Variants in NTRK2 observed in about 807,000 individuals in gnomAD.
NTRK2 encodes the protein BDNF/NT-3 growth factors receptor.
Under a neutral mutation model 94.5 loss-of-function variants are expected in NTRK2, and 13 were observed. The observed-to-expected ratio is 0.14, with a 90% CI of 0.09 to 0.22. The LOEUF (loss-of-function observed/expected upper bound fraction) is 0.22. Among genes scored for constraint, NTRK2 ranks in the 10% least tolerant of loss-of-function variants. The pLI, the probability that NTRK2 is intolerant of heterozygous loss-of-function variation, is 1.00. For missense variants in NTRK2, 639 were observed against 1,071.2 expected, an observed-to-expected ratio of 0.60 and a Z score of 5.63; for synonymous variants, 372 against 407.4, an observed-to-expected ratio of 0.91 and a Z score of 1.05.
chr9:84,923,122 T>G (rs778967768), intron 14 of NTRK2, among the ~76,000 whole-genome samples: 5 of 152,120 alleles, frequency 3.3e-5, no homozygotes, highest in Non-Finnish European at 7.4e-5. Context: ...GGAATTGGGG[T>G]AGAGTCTACA....
In NTRK2 at chr9:84,955,325, G is replaced by A. The variant is rs1823985116; in HGVS notation, c.1980G>A (p.Pro660=). ...CCGTGCTGATGGCTGAGGGCAACCC[G>A]CCCACGGAACTGACGCAGTCGCAGA... ...PDAVLMAEGN[P]PTELTQSQML... Residue 660 remains proline (P), a synonymous_variant, in exon 17 of 19, where the codon CCG becomes CCA. Coordinates refer to ENST00000277120, the MANE Select transcript of NTRK2 (RefSeq NM_006180.6). 3.1e-6 allele frequency: 5 copies of A among 1,610,602 alleles called. No homozygotes were observed. The South Asian group carries it at 4.4e-5, about 14-fold the overall frequency.
intron 15 of NTRK2, among the ~76,000 whole-genome samples, chr9:84,938,761 G>A (rs2132767524): frequency 6.6e-6 from 1 of 152,222 alleles, no homozygotes; most frequent in African/African-American, 2.4e-5. Context: ...TTGATAAATA[G>A]AGAGTTGCAC....
At position 84,824,573 on chromosome 9, in the gene NTRK2, C is replaced by A. The variant is rs112986343; in HGVS notation, c.1397-36467C>A. Among the ~76,000 whole-genome samples the A allele has an allele frequency of 1.6e-3, 247 of 152,348 alleles. 2 individuals are homozygous for A. The highest frequency in any genetic ancestry group is 5.7e-3 in the African/African-American group (235 of 41,584). On this transcript the variant is annotated intron_variant, in intron 12 of 18. Transcript: ENST00000277120. ...AAGAAAGGGGCTCTGGAGCCCCCAA[C>A]CCTGTAGGCAGCCCTAAATGGGCTC...
chr9:84,735,393 G>A (rs77323192), intron 9 of NTRK2, among the ~76,000 whole-genome samples: 2,388 of 152,172 alleles, frequency 0.016, 35 homozygotes, highest in Middle Eastern at 0.034. Flanking sequence ...TTTCTAACAA[G>A]CTCCCCGATG....
chr9:84,738,599 T>C (rs180856302), intron 9 of NTRK2, among the ~76,000 whole-genome samples: 1 of 152,330 alleles, frequency 6.6e-6, no homozygotes, highest in Non-Finnish European at 1.5e-5. Context: ...AACTAGGAAG[T>C]TGCTGGAAGC....
chr9:84,681,750 T>C (rs927777457), intron 2 of NTRK2, among the ~76,000 whole-genome samples: 13 of 152,192 alleles, frequency 8.5e-5, no homozygotes, highest in Non-Finnish European at 1.9e-4. Context: ...GCTGATCTTA[T>C]CCTGTCACTG....
intron 14 of NTRK2, chr9:84,876,379 A>G: frequency 9.5e-7 from 1 of 1,052,958 alleles, no homozygotes; most frequent in Non-Finnish European, 1.1e-6. Flanking sequence ...TACAGGAATG[A>G]TTACTTTTCA....
At chr9:84,855,820 A>G (rs1202511223) in intron 12 of NTRK2, among the ~76,000 whole-genome samples, 1 of 152,202 alleles carries the variant, frequency 6.6e-6, no homozygotes, top group Middle Eastern at 3.2e-3. Context: ...GCCCTGTGCT[A>G]TCTTCAAGCC....
At chr9:85,000,509 T>A (rs923645888) in intron 17 of NTRK2, among the ~76,000 whole-genome samples, 2 of 152,212 alleles carry the variant, frequency 1.3e-5, no homozygotes, top group African/African-American at 4.8e-5. Context: ...TCCAACTATA[T>A]GACATTATGT....
At chr9:84,765,382 A>G (rs1376443640) in intron 12 of NTRK2, among the ~76,000 whole-genome samples, 10 of 152,182 alleles carry the variant, frequency 6.6e-5, no homozygotes, top group Admixed American at 6.6e-4. Context: ...GAGTATAATG[A>G]GCCTAAATGC....
chr9:85,002,153 G>A (rs1460125159), intron 17 of NTRK2, among the ~76,000 whole-genome samples: 4 of 152,228 alleles, frequency 2.6e-5, no homozygotes, highest in African/African-American at 9.6e-5. Flanking sequence ...TACTTGGAAG[G>A]TGGTTTTTAG....
At chr9:84,746,537 G>A (rs1461027208) in intron 11 of NTRK2, among the ~76,000 whole-genome samples, 1 of 151,954 alleles carries the variant, frequency 6.6e-6, no homozygotes, top group Non-Finnish European at 1.5e-5. Flanking sequence ...TTTTTTTGTT[G>A]TTATAATTCT....
At chr9:84,693,072 TA>T (rs1257029448) in intron 2 of NTRK2, among the ~76,000 whole-genome samples, 1 of 152,226 alleles carries the variant, frequency 6.6e-6, no homozygotes, top group Non-Finnish European at 1.5e-5. Context: ...TCTGTTTTCT[TA>T]AGACAACATG....
chr9:84,770,178 A>ACACACACT lies in NTRK2; in HGVS notation c.1396+18100_1396+18101insTCACACAC, dbSNP rs2066407660. On this transcript the variant is annotated intron_variant, in intron 12 of 18. Transcript: ENST00000277120. ...AACACACACACACACACACACACAC[A>ACACACACT]CACACACACACACACAAACACACAG... Among the ~76,000 whole-genome samples the ACACACACT allele has an allele frequency of 5.9e-5, 9 of 151,874 alleles. No individual in the cohort carries two copies. The South Asian group carries it at 1.9e-3, about 32-fold the overall frequency.
At position 84,704,799 on chromosome 9, in the gene NTRK2, A is replaced by G. The variant is rs189781461; in HGVS notation, c.359+2380A>G. Among the ~76,000 whole-genome samples, 86 of 152,340 alleles carry G rather than the reference A, an allele frequency of 5.6e-4. 1 individual carries two copies. Among genetic ancestry groups the G allele is most frequent in the Non-Finnish European group, 9.7e-4 (66 of 68,040 alleles). The stretch of plus-strand genomic sequence containing the variant: ...ATGGCAGTAAGCTTCATATAGTCAC[A>G]GGACAAAAGAGGCTCTTAATCACCA... On this transcript the variant is annotated intron_variant, in intron 4 of 18. Transcript: ENST00000277120.
At chr9:84,687,472 A>G (rs1331425865) in intron 2 of NTRK2, among the ~76,000 whole-genome samples, 1 of 152,216 alleles carries the variant, frequency 6.6e-6, no homozygotes, top group Non-Finnish European at 1.5e-5. Flanking sequence ...TCCCACCAAT[A>G]AAAAGTGTCT....
intron 12 of NTRK2, among the ~76,000 whole-genome samples, chr9:84,763,211 C>G (rs1012424176): frequency 6.6e-6 from 1 of 151,898 alleles, no homozygotes; most frequent in Non-Finnish European, 1.5e-5. Flanking sequence ...CAACTTCTCT[C>G]GTCTTCCAAG....
At chr9:84,693,451 CAG>C (rs1366310353) in intron 2 of NTRK2, among the ~76,000 whole-genome samples, 18 of 152,170 alleles carry the variant, frequency 1.2e-4, no homozygotes, top group African/African-American at 4.1e-4. Flanking sequence ...TATAAACACT[CAG>C]AGAGAAATAC....
chr9:84,948,585 A>T lies in NTRK2; in HGVS notation c.1888A>T (p.Ile630Phe), dbSNP rs2132885715. ...YGVCVEGDPL[I>F]MVFEYMKHGD... ...CGTCTGCGTGGAGGGCGACCCCCTC[A>T]TCATGGTCTTTGAGTACATGAAGCA... is the stretch of plus-strand genomic sequence containing the variant. The change falls in exon 16 of 19, where the codon ATC (isoleucine) becomes TTC (phenylalanine). Residue 630 changes from isoleucine to phenylalanine, a missense_variant. This residue lies in a region of NTRK2 where 343 missense variants were observed against 571.5 expected (regional missense o/e 0.60). Transcript: ENST00000277120. 1 of 1,614,094 alleles carries T rather than the reference A, an allele frequency of 6.2e-7. No homozygotes were observed. Among genetic ancestry groups the T allele is most frequent in the Non-Finnish European group, 8.5e-7 (1 of 1,180,022 alleles).
Sources: allele counts gnomAD v4.1 joint callset (sites outside exome capture counted in the v4.1 genomes callset), GRCh38; gene constraint gnomAD v4.1.1; regional missense constraint gnomAD v4.1.1; transcripts MANE v1.5; gene names NCBI Gene and HGNC (gene_info 2026-07-23, HGNC 2026-07-21).